The following DIPK1A variants were observed in gnomAD, a reference collection of about 807,000 sequenced individuals.
DIPK1A encodes family with sequence similarity 69 member A.
Under a neutral mutation model 40.8 loss-of-function variants are expected in DIPK1A, and 27 were observed. That is an observed-to-expected ratio of 0.66 (90% CI 0.49 to 0.91). DIPK1A has a LOEUF of 0.91. DIPK1A is among the 40% of genes least tolerant of loss of function. DIPK1A has a pLI of 0.00. For synonymous variants in DIPK1A, 166 were observed against 171.3 expected (o/e 0.97, Z 0.24); for missense variants, 412 against 505.7 (o/e 0.81, Z 1.78).
rs1687445271 is a variant in DIPK1A at position 92,843,258 on chromosome 1, T to A, written c.*125A>T. 4.8e-6 allele frequency: 7 copies of A among 1,444,376 alleles called. No individual in the cohort carries two copies. Among genetic ancestry groups the A allele is most frequent in the Non-Finnish European group, 5.5e-6 (6 of 1,099,496 alleles). 89.5% of individuals were successfully genotyped at this position (1,444,376 alleles called of 1,614,324 possible). A position where few individuals can be genotyped will look rare whatever the true frequency, so the allele number is the denominator to read the frequency against. On this transcript the variant is annotated 3_prime_UTR_variant, in exon 5 of 5. Coordinates refer to ENST00000370310, the MANE Select transcript of DIPK1A (RefSeq NM_001006605.5). Reference sequence around the variant, plus strand: ...ACTTCAGTGATCACATACTGATGGCTTCTCAGGCCTGGGGGGAAGGAGTTT... The same window carrying A: ...ACTTCAGTGATCACATACTGATGGCATCTCAGGCCTGGGGGGAAGGAGTTT...
At chr1:92,899,752 A>G (rs146037361) in intron 1 of DIPK1A, among the ~76,000 whole-genome samples, 225 of 152,206 alleles carry the variant, frequency 1.5e-3, no homozygotes, top group African/African-American at 5.2e-3. Flanking sequence ...TTGAGTGTTC[A>G]TCATAGTGAT....
Position 92,882,620 on chromosome 1 carries a change from T to G in DIPK1A, c.55-6190A>C, listed in dbSNP as rs138921871. On this transcript the variant is annotated intron_variant, in intron 1 of 4. Coordinates refer to ENST00000370310, the MANE Select transcript of DIPK1A (RefSeq NM_001006605.5). ...CATCCTTCTCTTAGCATTATGAGAT[T>G]TAACCATGCTGATACATATAGCCAG... is the stretch of plus-strand genomic sequence containing the variant. Among the ~76,000 whole-genome samples the G allele has an allele frequency of 3.0e-3, 459 of 152,358 alleles. 3 individuals carry two copies. The highest frequency in any genetic ancestry group is 0.01 in the African/African-American group (427 of 41,580).
At chr1:92,873,502 C>G (rs1168175912) in intron 2 of DIPK1A, among the ~76,000 whole-genome samples, 1 of 151,794 alleles carries the variant, frequency 6.6e-6, no homozygotes, top group African/African-American at 2.4e-5. Context: ...GTAGTCCCAG[C>G]TACTTGGGAG....
chr1:92,833,969 A>G lies in DIPK1A; in HGVS notation c.475-935T>C, dbSNP rs576892621. Reference sequence around the variant, plus strand: ...AAAAATGTAAGAAAATTAGCTGGGCATGGCGGGGCGCACCTGTAGTCCCAG... The same window carrying G: ...AAAAATGTAAGAAAATTAGCTGGGCGTGGCGGGGCGCACCTGTAGTCCCAG... On this transcript the variant is annotated intron_variant, in intron 4 of 4. Transcript: ENST00000615519. 3 of 361,882 alleles carry G rather than the reference A, an allele frequency of 8.3e-6. No individual in the cohort carries two copies. The highest frequency in any genetic ancestry group is 4.8e-5 in the South Asian group (2 of 42,000). 22.4% of individuals were successfully genotyped at this position (361,882 alleles called of 1,614,324 possible). A position where few individuals can be genotyped will look rare whatever the true frequency, so the allele number is the denominator to read the frequency against.
At chr1:92,870,616 T>C (rs1210004255) in intron 2 of DIPK1A, among the ~76,000 whole-genome samples, 2 of 152,214 alleles carry the variant, frequency 1.3e-5, no homozygotes, top group East Asian at 1.9e-4. Context: ...TACCATCATA[T>C]GTGGGTTTAA....
intron 2 of DIPK1A, among the ~76,000 whole-genome samples, chr1:92,873,257 T>C (rs1647959465): frequency 6.6e-6 from 1 of 152,126 alleles, no homozygotes; most frequent in Non-Finnish European, 1.5e-5. Context: ...ACTGTATATT[T>C]CAATTTTAGA....
intron 1 of DIPK1A, among the ~76,000 whole-genome samples, chr1:92,921,163 T>A (rs1479073078): frequency 6.6e-6 from 1 of 152,150 alleles, no homozygotes; most frequent in Non-Finnish European, 1.5e-5. Context: ...GACACTTTAG[T>A]ATTTTTTTTT....
intron 2 of DIPK1A, among the ~76,000 whole-genome samples, chr1:92,851,560 A>AAAAAAC (rs1266146093): frequency 3.2e-5 from 3 of 93,194 alleles, no homozygotes; most frequent in African/African-American, 1.0e-4. Context: ...AAAAAAAAAA[A>AAAAAAC]AACTTCTGGT....
rs920613835 is a variant in DIPK1A at position 92,914,524 on chromosome 1, C to G, written c.55-38094G>C. Among the ~76,000 whole-genome samples, 8 of 152,182 alleles carry G rather than the reference C, an allele frequency of 5.3e-5. No homozygotes were observed. In the East Asian group the frequency reaches 1.4e-3, roughly 26 times the overall value. Reference sequence around the variant, plus strand: ...GTGGCTCTCGCGTGTAATCCCAGCACTTTGGGAGGCCGAGGTGGGTGATCA... The same window carrying G: ...GTGGCTCTCGCGTGTAATCCCAGCAGTTTGGGAGGCCGAGGTGGGTGATCA... On this transcript the variant is annotated intron_variant, in intron 1 of 4. Coordinates refer to ENST00000370310, the MANE Select transcript of DIPK1A (RefSeq NM_001006605.5).
chr1:92,851,026 T>G, intron 2 of DIPK1A, 71 bp from the exon 3 acceptor site: 2 of 950,824 alleles, frequency 2.1e-6, no homozygotes, highest in Non-Finnish European at 1.6e-6. Context: ...GAGATATCTA[T>G]ATCCTTTATG....
At chr1:92,834,397 T>G (rs1230600285) in intron 4 of DIPK1A, among the ~76,000 whole-genome samples, 1 of 152,202 alleles carries the variant, frequency 6.6e-6, no homozygotes, top group Non-Finnish European at 1.5e-5. Flanking sequence ...TCCTGGGCTT[T>G]TACAACTAGG....
intron 1 of DIPK1A, among the ~76,000 whole-genome samples, chr1:92,882,111 G>A (rs1289423121): frequency 6.6e-6 from 1 of 152,220 alleles, no homozygotes. Flanking sequence ...TTTCTGGCCA[G>A]GTGTGGTGGC....
intron 1 of DIPK1A, among the ~76,000 whole-genome samples, chr1:92,945,417 T>C (rs1210330043): frequency 6.6e-6 from 1 of 152,106 alleles, no homozygotes; most frequent in Non-Finnish European, 1.5e-5. Context: ...CAGTTACTAT[T>C]AATGTTGAAG....
At chr1:92,905,807 A>C (rs968475936) in intron 1 of DIPK1A, among the ~76,000 whole-genome samples, 1 of 152,030 alleles carries the variant, frequency 6.6e-6, no homozygotes, top group East Asian at 1.9e-4. Context: ...GTTTTTGTTG[A>C]GAGATAGGGG....
Position 92,946,931 on chromosome 1 carries a change from G to T in DIPK1A, c.54+14445C>A, listed in dbSNP as rs1043332736. The stretch of plus-strand genomic sequence containing the variant: ...TGTACTCCAGCCTGGGTGACAGAGT[G>T]AGACCCTGTCTCAAAAAAAAAAAAA... On this transcript the variant is annotated intron_variant, in intron 1 of 4. Transcript: ENST00000370310. Among the ~76,000 whole-genome samples the T allele has an allele frequency of 3.8e-4, 53 of 140,804 alleles. 1 individual carries two copies. The highest frequency in any genetic ancestry group is 6.7e-4 in the Admixed American group (9 of 13,406). 92.4% of individuals were successfully genotyped at this position (140,804 alleles called of 152,430 possible).
At chr1:92,908,402 C>A (rs1485712924) in intron 1 of DIPK1A, among the ~76,000 whole-genome samples, 1 of 152,016 alleles carries the variant, frequency 6.6e-6, no homozygotes, top group African/African-American at 2.4e-5. Context: ...TAGAAGAAAA[C>A]GAGAATGTTG....
intron 3 of DIPK1A, among the ~76,000 whole-genome samples, chr1:92,850,409 G>A (rs1382510192): frequency 6.6e-6 from 1 of 152,204 alleles, no homozygotes; most frequent in African/African-American, 2.4e-5. Flanking sequence ...GGCCAGGTGT[G>A]GTGGCTGACA....
At chr1:92,920,784 TG>T (rs1306818312) in intron 1 of DIPK1A, among the ~76,000 whole-genome samples, 1 of 152,172 alleles carries the variant, frequency 6.6e-6, no homozygotes, top group Non-Finnish European at 1.5e-5. Context: ...GTAAAGACAA[TG>T]GGTTGGTACT....
At chr1:92,880,311 AAATAT>A (rs1648308024) in intron 1 of DIPK1A, among the ~76,000 whole-genome samples, 1 of 152,242 alleles carries the variant, frequency 6.6e-6, no homozygotes, top group African/African-American at 2.4e-5. Flanking sequence ...GTAATTTTAA[AAATAT>A]AATAACATCT....
Sources: gnomAD v4.1 joint callset for allele counts (sites outside exome capture counted in the v4.1 genomes callset) on GRCh38, gnomAD v4.1.1 for gene constraint, MANE v1.5 for transcripts, NCBI Gene and HGNC (gene_info 2026-07-23, HGNC 2026-07-21) for gene names.